GALNT17: variants seen among roughly 807,000 people sequenced by gnomAD.
GALNT17 encodes the protein UDP-GalNAc:polypeptide N-acetylgalactosaminyltransferase-like 3.
A neutral mutation model predicts 63.7 loss-of-function variants in GALNT17; 29 were observed. The ratio of observed to expected loss-of-function variants is 0.46; its 90% CI spans 0.34 to 0.62. GALNT17 has a LOEUF of 0.62. Among genes scored for constraint, GALNT17 ranks in the 20% least tolerant of loss-of-function variants. The pLI is 0.01. For missense variants in GALNT17, 603 were observed against 799.6 expected, an observed-to-expected ratio of 0.75 and a Z score of 2.97; for synonymous variants, 305 against 318.3, an observed-to-expected ratio of 0.96 and a Z score of 0.45.
At chr7:71,366,800 C>T (rs2116255209) in intron 2 of GALNT17, among the ~76,000 whole-genome samples, 1 of 152,266 alleles carries the variant, frequency 6.6e-6, no homozygotes, top group East Asian at 1.9e-4. Flanking sequence ...CATGAGTGGC[C>T]TTCCTCACAC....
At chr7:71,329,382 T>A (rs964358667) in intron 1 of GALNT17, among the ~76,000 whole-genome samples, 2 of 152,164 alleles carry the variant, frequency 1.3e-5, no homozygotes, top group Non-Finnish European at 1.5e-5. Flanking sequence ...GGACACATTA[T>A]ATGTATGACC....
intron 5 of GALNT17, among the ~76,000 whole-genome samples, chr7:71,433,161 C>A (rs571377020): frequency 6.6e-6 from 1 of 152,088 alleles, no homozygotes; most frequent in East Asian, 1.9e-4. Flanking sequence ...GAAGACTATC[C>A]GGTCTTCATC....
chr7:71,239,818 T>A (rs1008969577), intron 1 of GALNT17, among the ~76,000 whole-genome samples: 1 of 152,230 alleles, frequency 6.6e-6, no homozygotes, highest in Non-Finnish European at 1.5e-5. Context: ...ATTTAAGCCA[T>A]CCATTTAGGA....
At chr7:71,590,585 C>T (rs1202318045) in intron 6 of GALNT17, among the ~76,000 whole-genome samples, 1 of 152,300 alleles carries the variant, frequency 6.6e-6, no homozygotes, top group South Asian at 2.1e-4. Context: ...GAGATGACAT[C>T]CTGATGTGCT....
intron 1 of GALNT17, among the ~76,000 whole-genome samples, chr7:71,258,954 G>A (rs1312874373): frequency 6.6e-6 from 1 of 152,292 alleles, no homozygotes; most frequent in South Asian, 2.1e-4. Context: ...AAGCCTACAG[G>A]GTGGGGCATA....
intron 5 of GALNT17, among the ~76,000 whole-genome samples, chr7:71,568,459 G>A (rs1251192876): frequency 4.6e-5 from 7 of 152,168 alleles, no homozygotes. Context: ...TTAGTTGCTC[G>A]GATGACAGAG....
chr7:71,695,758 T>A (rs911102694), intron 9 of GALNT17, among the ~76,000 whole-genome samples: 31 of 152,152 alleles, frequency 2.0e-4, no homozygotes, highest in Admixed American at 2.6e-4. Flanking sequence ...CATTTGGAAT[T>A]TTCCAAAGGC....
intron 1 of GALNT17, among the ~76,000 whole-genome samples, chr7:71,183,772 C>A (rs1788779927): frequency 1.3e-5 from 2 of 152,094 alleles, no homozygotes; most frequent in Non-Finnish European, 2.9e-5. Context: ...ATGGCGGGTG[C>A]CTGTAATCCC....
intron 5 of GALNT17, among the ~76,000 whole-genome samples, chr7:71,517,760 C>T (rs1022149799): frequency 2.6e-5 from 4 of 152,172 alleles, no homozygotes; most frequent in African/African-American, 7.2e-5. Flanking sequence ...CAGGGAATAA[C>T]CTTTTTTCCA....
intron 1 of GALNT17, among the ~76,000 whole-genome samples, chr7:71,166,682 C>G (rs1788446643): frequency 6.6e-6 from 1 of 152,154 alleles, no homozygotes; most frequent in South Asian, 2.1e-4. Context: ...ACTTTTATTA[C>G]TAACTATATT....
At chr7:71,442,717 C>T (rs948984101) in intron 5 of GALNT17, among the ~76,000 whole-genome samples, 1 of 152,124 alleles carries the variant, frequency 6.6e-6, no homozygotes, top group South Asian at 2.1e-4. Context: ...TACATCCTTA[C>T]AGCAGCAGAG....
At chr7:71,592,461 C>T (rs1789816450) in intron 6 of GALNT17, among the ~76,000 whole-genome samples, 1 of 149,796 alleles carries the variant, frequency 6.7e-6, no homozygotes, top group Non-Finnish European at 1.5e-5. Flanking sequence ...TGCCACTGCA[C>T]TCCGGCCTGG....
chr7:71,531,621 G>C (rs898966699), intron 5 of GALNT17, among the ~76,000 whole-genome samples: 1 of 152,054 alleles, frequency 6.6e-6, no homozygotes, highest in African/African-American at 2.4e-5. Flanking sequence ...TTATATTTTT[G>C]AGACAGGGTC....
chr7:71,333,461 G>C, intron 1 of GALNT17, among the ~76,000 whole-genome samples: 1 of 152,108 alleles, frequency 6.6e-6, no homozygotes, highest in Non-Finnish European at 1.5e-5. Context: ...AAGTTTTTTT[G>C]GGGACGAATG....
chr7:71,531,349 T>A (rs1217292180), intron 5 of GALNT17, among the ~76,000 whole-genome samples: 1 of 152,194 alleles, frequency 6.6e-6, no homozygotes, highest in Non-Finnish European at 1.5e-5. Context: ...TCTACCCCCT[T>A]AGCAAATATT....
At chr7:71,709,378 A>G (rs1020991850) in intron 9 of GALNT17, among the ~76,000 whole-genome samples, 2 of 152,186 alleles carry the variant, frequency 1.3e-5, no homozygotes, top group Non-Finnish European at 1.5e-5. Context: ...GTGTCTGTTC[A>G]TGTCCTTTGC....
At chr7:71,711,053 C>T (rs1374152027) in intron 10 of GALNT17, 125 bp downstream of exon 10, 4 of 1,321,916 alleles carry the variant, frequency 3.0e-6, no homozygotes, top group South Asian at 1.5e-5. Flanking sequence ...TCTCCCTGCC[C>T]CGGGCTGGGC....
intron 1 of GALNT17, among the ~76,000 whole-genome samples, chr7:71,254,879 A>G (rs772962269): frequency 3.3e-5 from 5 of 152,348 alleles, no homozygotes; most frequent in Admixed American, 2.6e-4. Flanking sequence ...ACTGAATCAC[A>G]TCTTGTTGTC....
intron 2 of GALNT17, among the ~76,000 whole-genome samples, chr7:71,372,259 G>A (rs1363496806): frequency 6.6e-6 from 1 of 152,282 alleles, no homozygotes; most frequent in African/African-American, 2.4e-5. Flanking sequence ...CCACCTCCCG[G>A]CCTCAAGCGA....
Sources: allele counts gnomAD v4.1 joint callset (sites outside exome capture counted in the v4.1 genomes callset), GRCh38; gene constraint gnomAD v4.1.1; transcripts MANE v1.5; gene names NCBI Gene and HGNC (gene_info 2026-07-23, HGNC 2026-07-21).